PPP2CB: variants seen among roughly 807,000 people sequenced by gnomAD.
PPP2CB encodes the protein serine/threonine-protein phosphatase 2A catalytic subunit beta isoform.
In PPP2CB, 18 loss-of-function variants were observed where a neutral mutation model predicts 39.1. The ratio of observed to expected loss-of-function variants is 0.46; its 90% confidence interval spans 0.32 to 0.68. PPP2CB has a LOEUF of 0.68. Among genes scored for constraint, PPP2CB ranks in the 30% least tolerant of loss-of-function variants. The probability of loss-of-function intolerance (pLI) is 0.04; values close to 1 mark genes in which losing one functional copy is unlikely to be tolerated. For synonymous variants in PPP2CB, 129 were observed against 133.8 expected (o/e 0.96, Z 0.25); for missense variants, 226 against 396.9 (o/e 0.57, Z 3.66).
chr8:30,794,379 C>G (rs1307973522), intron 3 of PPP2CB, 98 bp from the exon 4 acceptor site: 3 of 1,008,000 alleles, frequency 3.0e-6, no homozygotes, highest in Non-Finnish European at 3.0e-6. Flanking sequence ...CCAAATAGTG[C>G]CAACATTTAA....
intron 3 of PPP2CB, among the ~76,000 whole-genome samples, chr8:30,796,685 G>A (rs1161800526): frequency 2.0e-5 from 3 of 152,038 alleles, no homozygotes; most frequent in Non-Finnish European, 2.9e-5. Context: ...CAACTTGCCC[G>A]GCTTTTGTTT....
In PPP2CB at chr8:30,812,764, T is replaced by C. The variant is rs1461597022; in HGVS notation, c.-343A>G. ...CCGGACGAAGGCCGCCCGCTGCCGCTTCAGGCCCGCCTCACGCCTACCGGC... is the reference window on the plus strand; with the variant it reads ...CCGGACGAAGGCCGCCCGCTGCCGCCTCAGGCCCGCCTCACGCCTACCGGC... On this transcript the variant is annotated 5_prime_UTR_variant, in exon 1 of 7. Transcript: ENST00000221138. 9 of 469,076 alleles carry C rather than the reference T, an allele frequency of 1.9e-5. No individual in the cohort carries two copies. The East Asian group carries it at 6.1e-4, about 32-fold the overall frequency. The allele number at this position is 469,076 out of a possible 1,614,324, so 29.1% of individuals were successfully genotyped here.
At chr8:30,800,879 G>A (rs184076191) in intron 1 of PPP2CB, among the ~76,000 whole-genome samples, 132 of 152,254 alleles carry the variant, frequency 8.7e-4, no homozygotes, top group African/African-American at 2.8e-3. Context: ...AATGCAAACC[G>A]AGAGGAAGAA....
At chr8:30,795,358 G>A (rs550127302) in intron 3 of PPP2CB, among the ~76,000 whole-genome samples, 7 of 152,148 alleles carry the variant, frequency 4.6e-5, no homozygotes, top group African/African-American at 1.7e-4. Flanking sequence ...CAGGTGATCC[G>A]CCCGCCTTGG....
At chr8:30,801,891 G>C (rs916711703) in intron 1 of PPP2CB, among the ~76,000 whole-genome samples, 1 of 152,074 alleles carries the variant, frequency 6.6e-6, no homozygotes, top group Non-Finnish European at 1.5e-5. Flanking sequence ...CAACTCTAAA[G>C]AGCAGGGACA....
intron 6 of PPP2CB, 53 bp from the exon 7 acceptor site, chr8:30,786,360 C>A: frequency 7.1e-7 from 1 of 1,402,592 alleles, no homozygotes; most frequent in South Asian, 1.3e-5. Context: ...GCAAAGAAAA[C>A]AAATGAATAA....
chr8:30,790,228 C>T (rs1390981097), intron 6 of PPP2CB, among the ~76,000 whole-genome samples: 1 of 152,188 alleles, frequency 6.6e-6, no homozygotes, highest in Non-Finnish European at 1.5e-5. Flanking sequence ...GAATACCCCA[C>T]ATCCTACTCT....
chr8:30,812,552 G>A lies in PPP2CB; in HGVS notation c.-131C>T. ...GCCGCCGTCGCCAGGTCCCACAGGG[G>A]GAGGACTGAGCCGGGTAGGGCGGCC... On this transcript the variant is annotated 5_prime_UTR_variant, in exon 1 of 7. Coordinates refer to ENST00000221138, the MANE Select transcript of PPP2CB (RefSeq NM_001009552.2). 1.9e-6 allele frequency: 1 copy of A among 536,992 alleles called. No homozygotes were observed. Among genetic ancestry groups the A allele is most frequent in the Non-Finnish European group, 2.9e-6 (1 of 347,974 alleles). 33.3% of individuals were successfully genotyped at this position (536,992 alleles called of 1,614,324 possible). A position where few individuals can be genotyped will look rare whatever the true frequency, so the allele number is the denominator to read the frequency against.
chr8:30,788,437 A>G (rs932502085), intron 6 of PPP2CB, among the ~76,000 whole-genome samples: 1 of 151,652 alleles, frequency 6.6e-6, no homozygotes, highest in Non-Finnish European at 1.5e-5. Context: ...TAATTTTTAA[A>G]TTTTTTTGTA....
intron 2 of PPP2CB, among the ~76,000 whole-genome samples, chr8:30,797,972 T>C (rs1273556154): frequency 6.6e-6 from 1 of 152,228 alleles, no homozygotes; most frequent in Admixed American, 6.5e-5. Context: ...TCATCAGGTT[T>C]CGACAACCCT....
chr8:30,812,196 C>T (rs1335481981), intron 1 of PPP2CB, 124 bp downstream of exon 1: 7 of 583,990 alleles, frequency 1.2e-5, no homozygotes, highest in African/African-American at 4.0e-5. Flanking sequence ...CGGAGCCGGA[C>T]CCACAGCCCC....
chr8:30,809,340 A>T (rs1009617048), intron 1 of PPP2CB, among the ~76,000 whole-genome samples: 1 of 152,152 alleles, frequency 6.6e-6, no homozygotes, highest in African/African-American at 2.4e-5. Flanking sequence ...TGGAACTCAG[A>T]CAGGATGAAT....
At chr8:30,806,394 C>T (rs114867833) in intron 1 of PPP2CB, among the ~76,000 whole-genome samples, 276 of 152,092 alleles carry the variant, frequency 1.8e-3, no homozygotes, top group African/African-American at 6.3e-3. Context: ...TGAAAAGTAA[C>T]GTACAGGAAC....
chr8:30,801,488 C>T lies in PPP2CB; in HGVS notation c.103-1733G>A, dbSNP rs112878308. Among the ~76,000 whole-genome samples, 15 of 151,040 alleles carry T rather than the reference C, an allele frequency of 9.9e-5. 1 individual carries two copies. The highest frequency in any genetic ancestry group is 5.9e-4 in the East Asian group (3 of 5,104). Reference sequence around the variant, plus strand: ...GGCGGAGCTTGCAGTGAGCCAAGATCGTGCCACTGCACTCCAGCCTGGGCG... The same window carrying T: ...GGCGGAGCTTGCAGTGAGCCAAGATTGTGCCACTGCACTCCAGCCTGGGCG... On this transcript the variant is annotated intron_variant, in intron 1 of 6. Coordinates refer to ENST00000221138, the MANE Select transcript of PPP2CB (RefSeq NM_001009552.2).
At chr8:30,798,540 T>C (rs1471961267) in intron 2 of PPP2CB, among the ~76,000 whole-genome samples, 1 of 152,230 alleles carries the variant, frequency 6.6e-6, no homozygotes, top group Admixed American at 6.5e-5. Flanking sequence ...AGCAAGAGAC[T>C]ATACCATTAC....
intron 5 of PPP2CB, among the ~76,000 whole-genome samples, chr8:30,792,036 A>G (rs1806446294): frequency 2.6e-5 from 4 of 151,614 alleles, no homozygotes; most frequent in African/African-American, 9.7e-5. Flanking sequence ...ATGTATACAT[A>G]TATATACATA....
Position 30,799,563 on chromosome 8 carries a change from G to C in PPP2CB, c.295C>G (p.Leu99Val), listed in dbSNP as rs775361764. 6.2e-7 allele frequency: 1 copy of C among 1,610,794 alleles called. No individual in the cohort carries two copies. The highest frequency in any genetic ancestry group is 1.3e-5 in the African/African-American group (1 of 74,832). ...RGYYSVETVT[L>V]LVALKVRYPE... ...AATCATACCTTTAATGCTACAAGAA[G>C]AGTCACAGTCTCCACTGAATAATAT... The change falls in exon 2 of 7, where the codon CTT becomes GTT. Residue 99 changes from leucine (L) to valine (V), a missense_variant. Physicochemically the swap from Leu to Val is conservative, Grantham distance 32 (BLOSUM62 1). Transcript: ENST00000221138.
At chr8:30,798,674 T>C (rs980132579) in intron 2 of PPP2CB, among the ~76,000 whole-genome samples, 2 of 152,234 alleles carry the variant, frequency 1.3e-5, no homozygotes, top group African/African-American at 4.8e-5. Context: ...CCATGTAATA[T>C]ATGGCTTCTG....
At chr8:30,795,605 A>G (rs924143705) in intron 3 of PPP2CB, among the ~76,000 whole-genome samples, 2 of 152,208 alleles carry the variant, frequency 1.3e-5, no homozygotes, top group African/African-American at 4.8e-5. Flanking sequence ...TACTAGGCAT[A>G]CGGTGTGAGT....
Sources: gnomAD v4.1 joint callset for allele counts (sites outside exome capture counted in the v4.1 genomes callset) on GRCh38, gnomAD v4.1.1 for gene constraint, MANE v1.5 for transcripts, NCBI Gene and HGNC (gene_info 2026-07-23, HGNC 2026-07-21) for gene names.